The following PRKN variants were observed in gnomAD, a reference collection of about 807,000 sequenced individuals.
The protein encoded by PRKN is parkin RBR E3 ubiquitin protein ligase, also known as E3 ubiquitin-protein ligase parkin.
A neutral mutation model predicts 59.5 loss-of-function variants in PRKN; 56 were observed. The ratio of observed to expected loss-of-function variants is 0.94; its 90% CI spans 0.76 to 1.18. PRKN has a LOEUF of 1.18. Among genes scored for constraint, PRKN ranks in the 50% most tolerant of loss-of-function variants. The pLI is 0.00. For synonymous variants in PRKN, 250 were observed against 222.1 expected, an observed-to-expected ratio of 1.13 and a Z score of -1.12; for missense variants, 657 against 596.4, an observed-to-expected ratio of 1.10 and a Z score of -1.06.
chr6:161,594,915 GA>G (rs1159133627), intron 7 of PRKN, among the ~76,000 whole-genome samples: 3 of 152,214 alleles, frequency 2.0e-5, no homozygotes, highest in Non-Finnish European at 2.9e-5. Context: ...CAGATAGGCA[GA>G]AGCAGGGATA....
chr6:162,418,160 G>A (rs1163463086), intron 2 of PRKN, among the ~76,000 whole-genome samples: 1 of 152,100 alleles, frequency 6.6e-6, no homozygotes, highest in East Asian at 1.9e-4. Flanking sequence ...ACATACAATG[G>A]AATATTATTT....
At chr6:162,608,127 C>G (rs1342755711) in intron 1 of PRKN, among the ~76,000 whole-genome samples, 2 of 152,172 alleles carry the variant, frequency 1.3e-5, no homozygotes, top group Admixed American at 1.3e-4. Flanking sequence ...AAGGTAGATT[C>G]TAGGCCTACT....
intron 6 of PRKN, among the ~76,000 whole-genome samples, chr6:161,909,414 G>T (rs1778270483): frequency 6.6e-6 from 1 of 151,958 alleles, no homozygotes; most frequent in Non-Finnish European, 1.5e-5. Context: ...AATGTTTTGT[G>T]TAACAATAAA....
At chr6:162,274,760 G>C (rs1319463904) in intron 2 of PRKN, among the ~76,000 whole-genome samples, 1 of 152,006 alleles carries the variant, frequency 6.6e-6, no homozygotes, top group African/African-American at 2.4e-5. Flanking sequence ...TACTGAACAA[G>C]TTTCTTCATT....
At chr6:161,425,797 T>C (rs1433998769) in intron 9 of PRKN, among the ~76,000 whole-genome samples, 2 of 152,156 alleles carry the variant, frequency 1.3e-5, no homozygotes, top group South Asian at 2.1e-4. Context: ...GTAGGTTGTA[T>C]AATATAGACG....
intron 2 of PRKN, among the ~76,000 whole-genome samples, chr6:162,350,387 C>A (rs1187339561): frequency 1.3e-5 from 2 of 152,080 alleles, no homozygotes; most frequent in Admixed American, 6.6e-5. Context: ...CACAAATGAC[C>A]TGGAATATCT....
intron 6 of PRKN, among the ~76,000 whole-genome samples, chr6:161,851,136 G>A (rs536464398): frequency 6.6e-6 from 1 of 152,166 alleles, no homozygotes; most frequent in Non-Finnish European, 1.5e-5. Context: ...GGTTATGAGG[G>A]CTCTGCTCTC....
chr6:162,339,321 C>A, intron 2 of PRKN, among the ~76,000 whole-genome samples: 1 of 144,206 alleles, frequency 6.9e-6, no homozygotes, highest in Middle Eastern at 3.8e-3. Flanking sequence ...CGGCCAGCCG[C>A]GCCGTCTGGG....
chr6:162,702,080 A>G (rs1778178250), intron 1 of PRKN, among the ~76,000 whole-genome samples: 1 of 152,138 alleles, frequency 6.6e-6, no homozygotes, highest in South Asian at 2.1e-4. Flanking sequence ...TGTCTTTAAA[A>G]TAGGAGGTGA....
intron 7 of PRKN, among the ~76,000 whole-genome samples, chr6:161,712,728 T>C (rs1198831962): frequency 6.6e-6 from 1 of 152,194 alleles, no homozygotes; most frequent in African/African-American, 2.4e-5. Flanking sequence ...CGTATATAAA[T>C]GTCATGACTA....
At chr6:162,575,804 G>C (rs1780533005) in intron 1 of PRKN, among the ~76,000 whole-genome samples, 1 of 152,088 alleles carries the variant, frequency 6.6e-6, no homozygotes, top group African/African-American at 2.4e-5. Flanking sequence ...AACACCATAG[G>C]ATTTGTGCCC....
At chr6:162,596,530 G>A (rs941770149) in intron 1 of PRKN, among the ~76,000 whole-genome samples, 1 of 152,058 alleles carries the variant, frequency 6.6e-6, no homozygotes, top group Non-Finnish European at 1.5e-5. Context: ...AACTTCCTAG[G>A]CATTGAAATA....
intron 1 of PRKN, chr6:162,727,145 G>A (rs1477050373): frequency 1.3e-5 from 2 of 153,694 alleles, no homozygotes; most frequent in African/African-American, 4.8e-5. Flanking sequence ...TCTATCTGGA[G>A]GAGTTTCTGT....
intron 6 of PRKN, among the ~76,000 whole-genome samples, chr6:161,816,895 C>T (rs1026956219): frequency 6.6e-6 from 1 of 152,104 alleles, no homozygotes; most frequent in Non-Finnish European, 1.5e-5. Flanking sequence ...TCAGTATATG[C>T]CTTGATTCCT....
intron 1 of PRKN, among the ~76,000 whole-genome samples, chr6:162,615,453 T>C (rs949900941): frequency 2.6e-5 from 4 of 152,044 alleles, no homozygotes; most frequent in African/African-American, 9.7e-5. Flanking sequence ...ATGGATTTTT[T>C]TTTTAGACCT....
chr6:162,326,205 T>C (rs1243309644), intron 2 of PRKN, among the ~76,000 whole-genome samples: 1 of 152,136 alleles, frequency 6.6e-6, no homozygotes, highest in Non-Finnish European at 1.5e-5. Context: ...AAATAATAGT[T>C]ATGTTAGAAG....
chr6:162,475,693 G>C (rs1420549429), intron 1 of PRKN, among the ~76,000 whole-genome samples: 1 of 143,716 alleles, frequency 7.0e-6, no homozygotes, highest in Non-Finnish European at 1.5e-5. Context: ...GCCTCCGGAA[G>C]TACAAAACAC....
chr6:162,572,493 C>A (rs1451095272), intron 1 of PRKN, among the ~76,000 whole-genome samples: 5 of 152,166 alleles, frequency 3.3e-5, no homozygotes, highest in African/African-American at 1.2e-4. Context: ...GTTGTCACAG[C>A]ATCCGAATTA....
chr6:162,398,746 T>G (rs1034059487), intron 2 of PRKN, among the ~76,000 whole-genome samples: 1 of 152,178 alleles, frequency 6.6e-6, no homozygotes, highest in Non-Finnish European at 1.5e-5. Context: ...GAAACAAATA[T>G]GCAAATCTCC....
Sources: gnomAD v4.1 joint callset for allele counts (sites outside exome capture counted in the v4.1 genomes callset) on GRCh38, gnomAD v4.1.1 for gene constraint, MANE v1.5 for transcripts, NCBI Gene and HGNC (gene_info 2026-07-23, HGNC 2026-07-21) for gene names.